The following FARP2 variants were observed in gnomAD, a reference collection of about 807,000 sequenced individuals.
The protein encoded by FARP2 is FERM, ARH/RhoGEF and pleckstrin domain protein 2.
In FARP2, 111 loss-of-function variants were observed where a neutral mutation model predicts 130.5. The observed-to-expected ratio is 0.85, with a 90% CI of 0.73 to 1.00. FARP2 has a LOEUF of 1.00. Among genes scored for constraint, FARP2 ranks in the 50% least tolerant of loss-of-function variants. FARP2 has a pLI of 0.00. For synonymous variants in FARP2, 504 were observed against 516.9 expected, an observed-to-expected ratio of 0.98 and a Z score of 0.34; for missense variants, 1,385 against 1,346.3, an observed-to-expected ratio of 1.03 and a Z score of -0.45.
At chr2:241,470,004 C>T (rs1281220495) in intron 18 of FARP2, among the ~76,000 whole-genome samples, 1 of 152,186 alleles carries the variant, frequency 6.6e-6, no homozygotes, top group Non-Finnish European at 1.5e-5. Context: ...CAGTGAGAGC[C>T]CAGTCGATGA....
chr2:241,395,772 T>C (rs1056051433), intron 2 of FARP2: 2 of 152,244 alleles, frequency 1.3e-5, no homozygotes, highest in Non-Finnish European at 2.9e-5. Context: ...AAAAGGGCTC[T>C]CCTGACAGTT....
rs111876328 is a variant in FARP2 at position 241,457,492 on chromosome 2, C to T, written c.1587+570C>T. ...GACCGCTTTGGGTTCCGGAGAGGCT[C>T]TTGGGCGGGAGACCCAGTGTAGAAA... is the stretch of plus-strand genomic sequence containing the variant. On this transcript the variant is annotated intron_variant, in intron 14 of 26. Transcript: ENST00000264042. Among the ~76,000 whole-genome samples, 43 of 119,760 alleles carry T rather than the reference C, an allele frequency of 3.6e-4. 1 individual carries two copies. The highest frequency in any genetic ancestry group is 1.2e-3 in the African/African-American group (36 of 30,036). The allele number at this position is 119,760 out of a possible 152,430, so 78.6% of individuals were successfully genotyped here.
intron 14 of FARP2, among the ~76,000 whole-genome samples, chr2:241,460,146 G>A (rs757386208): frequency 2.0e-5 from 3 of 152,186 alleles, no homozygotes; most frequent in East Asian, 1.9e-4. Context: ...AGTTTGTGGG[G>A]CATTAACATG....
chr2:241,406,457 T>C (rs1336859555), intron 4 of FARP2, among the ~76,000 whole-genome samples: 1 of 152,064 alleles, frequency 6.6e-6, no homozygotes, highest in Admixed American at 6.6e-5. Context: ...TGTTTTTGTG[T>C]GTGGAGGGGT....
At chr2:241,379,698 A>G (rs140505133) in intron 2 of FARP2, among the ~76,000 whole-genome samples, 27 of 152,392 alleles carry the variant, frequency 1.8e-4, no homozygotes, top group Non-Finnish European at 3.7e-4. Flanking sequence ...CCACACGAAC[A>G]TCCTAAATAT....
At position 241,406,367 on chromosome 2, in the gene FARP2, T is replaced by TTA. The variant is rs142541198; in HGVS notation, c.332-1156_332-1155dup. On this transcript the variant is annotated intron_variant, in intron 4 of 26. Coordinates refer to ENST00000264042, the MANE Select transcript of FARP2 (RefSeq NM_014808.4). ...GGAAAAAATGTCTCTCTCTCTCTCT[T>TTA]TATATATATATATATGTATGTGTGG... is the stretch of plus-strand genomic sequence containing the variant. 1.0e-3 allele frequency among the ~76,000 whole-genome samples: 153 copies of TTA among 150,268 alleles called. 1 individual carries two copies. The highest frequency in any genetic ancestry group is 3.8e-3 in the South Asian group (18 of 4,744).
In FARP2 at chr2:241,471,664, T is replaced by C. The variant is rs188971641; in HGVS notation, c.2131+3287T>C. ...GCCCGACACCACGCCTGTCTAATTT[T>C]TTTTGTATTTTTAATAGAGACGGGG... On this transcript the variant is annotated intron_variant, in intron 18 of 26. Transcript: ENST00000264042. Among the ~76,000 whole-genome samples, 41 of 151,844 alleles carry C rather than the reference T, an allele frequency of 2.7e-4. 1 individual carries two copies. Among genetic ancestry groups the C allele is most frequent in the Admixed American group, 1.8e-3 (28 of 15,264 alleles).
In FARP2 at chr2:241,390,280, G is replaced by T. The variant is rs567177543; in HGVS notation, c.184-13548G>T. 2.0e-5 allele frequency among the ~76,000 whole-genome samples: 3 copies of T among 152,222 alleles called. No individual in the cohort carries two copies. In the East Asian group the frequency reaches 5.8e-4, roughly 29 times the overall value. On this transcript the variant is annotated intron_variant, in intron 2 of 26. Coordinates refer to ENST00000264042, the MANE Select transcript of FARP2 (RefSeq NM_014808.4). ...AATAGAGTTTCTTATTTACCTTTTT[G>T]ATTTTGAACGAGTCCAGCAAATGAC...
At chr2:241,479,036 C>A in intron 19 of FARP2, 1 of 539,210 alleles carries the variant, frequency 1.9e-6, no homozygotes, top group East Asian at 3.4e-5. Flanking sequence ...TACTCTTTCC[C>A]AAGATGCAAT....
At chr2:241,389,048 AG>A (rs1298508799) in intron 2 of FARP2, among the ~76,000 whole-genome samples, 1 of 152,124 alleles carries the variant, frequency 6.6e-6, no homozygotes, top group East Asian at 1.9e-4. Flanking sequence ...TGGGATGCCA[AG>A]GTGGGCGGAT....
rs191442196 is a variant in FARP2 at position 241,429,575 on chromosome 2, T to C, written c.772-2104T>C. On this transcript the variant is annotated intron_variant, in intron 8 of 26. Coordinates refer to ENST00000264042, the MANE Select transcript of FARP2 (RefSeq NM_014808.4). Reference sequence around the variant, plus strand: ...AACATTGATCACTTGGTCAAGATGATGTTTGCCAGCTTTTCTGTATACAAA... The same window carrying C: ...AACATTGATCACTTGGTCAAGATGACGTTTGCCAGCTTTTCTGTATACAAA... 3.4e-3 allele frequency among the ~76,000 whole-genome samples: 523 copies of C among 152,252 alleles called. 2 individuals are homozygous for C. The highest frequency in any genetic ancestry group is 6.2e-3 in the Non-Finnish European group (424 of 68,018).
At chr2:241,462,848 C>T (rs2064061051) in intron 15 of FARP2, among the ~76,000 whole-genome samples, 1 of 152,002 alleles carries the variant, frequency 6.6e-6, no homozygotes, top group African/African-American at 2.4e-5. Flanking sequence ...CACCACCACA[C>T]CCAGCTAATT....
chr2:241,446,106 A>G (rs548011992), intron 13 of FARP2: 1 of 152,252 alleles, frequency 6.6e-6, no homozygotes, highest in East Asian at 1.9e-4. Flanking sequence ...AGGCCAATGT[A>G]TAAATATTTC....
intron 1 of FARP2, among the ~76,000 whole-genome samples, chr2:241,369,713 G>T (rs993367906): frequency 3.3e-5 from 5 of 152,192 alleles, no homozygotes; most frequent in African/African-American, 1.2e-4. Flanking sequence ...AATGTTTACA[G>T]ATTTGTAGCA....
intron 4 of FARP2, among the ~76,000 whole-genome samples, chr2:241,405,609 T>A (rs897375829): frequency 2.0e-5 from 3 of 152,158 alleles, no homozygotes; most frequent in Non-Finnish European, 4.4e-5. Flanking sequence ...TTTACAGTAA[T>A]CAGATTTCAA....
chr2:241,443,972 A>G (rs992754226), intron 13 of FARP2: 2 of 152,380 alleles, frequency 1.3e-5, no homozygotes, highest in African/African-American at 4.8e-5. Flanking sequence ...GCATCTTGCA[A>G]GGGCTGGTTT....
At chr2:241,454,474 T>C (rs1574858141) in intron 13 of FARP2, among the ~76,000 whole-genome samples, 1 of 152,338 alleles carries the variant, frequency 6.6e-6, no homozygotes, top group East Asian at 1.9e-4. Flanking sequence ...TCACATAAAA[T>C]ATCTCCTTGT....
intron 2 of FARP2, among the ~76,000 whole-genome samples, chr2:241,398,360 T>G (rs985722747): frequency 2.6e-5 from 4 of 152,190 alleles, no homozygotes; most frequent in African/African-American, 9.7e-5. Context: ...CAGGTTCATT[T>G]AAGTATGTAT....
intron 17 of FARP2, among the ~76,000 whole-genome samples, chr2:241,464,433 A>G (rs901545922): frequency 1.3e-5 from 2 of 150,492 alleles, no homozygotes; most frequent in East Asian, 4.0e-4. Flanking sequence ...ATCCCCTCAG[A>G]GCAGGGGACC....
Sources: gnomAD v4.1 joint callset for allele counts (sites outside exome capture counted in the v4.1 genomes callset) on GRCh38, gnomAD v4.1.1 for gene constraint, MANE v1.5 for transcripts, NCBI Gene and HGNC (gene_info 2026-07-23, HGNC 2026-07-21) for gene names.